Variants in GMDS observed in about 807,000 individuals in gnomAD.
GMDS encodes GDP-mannose 4,6-dehydratase.
In GMDS, 20 loss-of-function variants were observed where a neutral mutation model predicts 49.9. That is an observed-to-expected ratio of 0.40 (90% CI 0.28 to 0.58). The LOEUF (loss-of-function observed/expected upper bound fraction) is 0.58, where lower values mean the gene tolerates loss of function less well. Ranked by LOEUF, GMDS falls within the 20% of genes least tolerant of loss-of-function variation. The pLI, the probability that GMDS is intolerant of heterozygous loss-of-function variation, is 0.42. For missense variants in GMDS, 362 were observed against 481.4 expected (o/e 0.75, Z 2.32); for synonymous variants, 177 against 178.6 (o/e 0.99, Z 0.07).
At chr6:1,646,812 T>C (rs1763499253) in intron 9 of GMDS, among the ~76,000 whole-genome samples, 1 of 152,212 alleles carries the variant, frequency 6.6e-6, no homozygotes, top group Admixed American at 6.5e-5. Flanking sequence ...TCCCCACTTC[T>C]GCACATTTAG....
At chr6:1,861,955 T>C (rs1337213438) in intron 7 of GMDS, among the ~76,000 whole-genome samples, 2 of 152,238 alleles carry the variant, frequency 1.3e-5, no homozygotes, top group East Asian at 1.9e-4. Flanking sequence ...GCAGGTATTC[T>C]TGAATATATT....
At chr6:2,211,316 C>T (rs1036145960) in intron 1 of GMDS, among the ~76,000 whole-genome samples, 4 of 152,152 alleles carry the variant, frequency 2.6e-5, no homozygotes, top group East Asian at 1.9e-4. Context: ...ATGTCTACCA[C>T]GTTCATTCCC....
intron 4 of GMDS, among the ~76,000 whole-genome samples, chr6:1,974,392 G>C (rs967847213): frequency 6.6e-6 from 1 of 152,158 alleles, no homozygotes; most frequent in Non-Finnish European, 1.5e-5. Flanking sequence ...ACAGAGTGGG[G>C]TTCAAGCACA....
At chr6:1,630,480 T>C (rs1222595304) in intron 9 of GMDS, among the ~76,000 whole-genome samples, 1 of 152,232 alleles carries the variant, frequency 6.6e-6, no homozygotes, top group Non-Finnish European at 1.5e-5. Flanking sequence ...ATGCCCACTG[T>C]CTGCCCTGTC....
intron 4 of GMDS, among the ~76,000 whole-genome samples, chr6:2,067,706 C>CTAAA (rs1771703132): frequency 6.6e-6 from 1 of 152,122 alleles, no homozygotes. Flanking sequence ...TCTCCCAAGA[C>CTAAA]TAAACCAGGA....
At chr6:1,702,560 G>A (rs1349215215) in intron 9 of GMDS, among the ~76,000 whole-genome samples, 2 of 152,034 alleles carry the variant, frequency 1.3e-5, no homozygotes, top group Non-Finnish European at 2.9e-5. Context: ...CATTCCATAG[G>A]GAAGATAACA....
At chr6:2,175,862 C>T (rs1313253073) in intron 1 of GMDS, 3 of 805,518 alleles carry the variant, frequency 3.7e-6, no homozygotes, top group Non-Finnish European at 6.3e-6. Context: ...CATGAACCCA[C>T]ATAAACAGCC....
At chr6:1,747,726 A>G (rs1019477647) in intron 7 of GMDS, among the ~76,000 whole-genome samples, 1 of 152,214 alleles carries the variant, frequency 6.6e-6, no homozygotes, top group Admixed American at 6.5e-5. Flanking sequence ...TTTTGTGGTC[A>G]GCCAAGCCTT....
intron 6 of GMDS, among the ~76,000 whole-genome samples, chr6:1,955,520 C>T (rs1210438038): frequency 2.0e-5 from 3 of 152,026 alleles, no homozygotes; most frequent in Admixed American, 6.6e-5. Flanking sequence ...TACTAAAGTG[C>T]TCCCATTTCA....
At chr6:1,881,104 A>T (rs577073534) in intron 7 of GMDS, among the ~76,000 whole-genome samples, 1 of 152,240 alleles carries the variant, frequency 6.6e-6, no homozygotes, top group Non-Finnish European at 1.5e-5. Flanking sequence ...TTTTTCTATC[A>T]TCAGTAAAAA....
chr6:2,139,773 G>T (rs114984293), intron 1 of GMDS, among the ~76,000 whole-genome samples: 312 of 152,180 alleles, frequency 2.1e-3, no homozygotes, highest in Non-Finnish European at 2.1e-3. Flanking sequence ...AACAGCACAG[G>T]GTTTCATGAG....
In GMDS at chr6:2,152,230, C is replaced by T. The variant is rs77222502; in HGVS notation, c.103-27499G>A. Among the ~76,000 whole-genome samples, 1,042 of 152,192 alleles carry T rather than the reference C, an allele frequency of 6.8e-3. 6 individuals are homozygous for T. Among genetic ancestry groups the T allele is most frequent in the Middle Eastern group, 0.038 (11 of 288 alleles). ...AACTCAAGACTACCTTTCTGAAAGGCTCTTTAAAATCAAATTGAATTCATT... is the reference window on the plus strand; with the variant it reads ...AACTCAAGACTACCTTTCTGAAAGGTTCTTTAAAATCAAATTGAATTCATT... On this transcript the variant is annotated intron_variant, in intron 1 of 10. Transcript: ENST00000380815.
chr6:2,175,487 T>C (rs1315381511), intron 1 of GMDS, among the ~76,000 whole-genome samples: 2 of 152,224 alleles, frequency 1.3e-5, no homozygotes, highest in African/African-American at 4.8e-5. Context: ...ACTCTGCAGA[T>C]ATTCCTGAGG....
chr6:1,903,357 GA>G (rs1366017682), intron 7 of GMDS, among the ~76,000 whole-genome samples: 3 of 152,120 alleles, frequency 2.0e-5, no homozygotes, highest in Non-Finnish European at 4.4e-5. Context: ...CTTTTCATAT[GA>G]ATTTCTTCAA....
chr6:1,630,647 C>A lies in GMDS; in HGVS notation c.988-6107G>T, dbSNP rs555800120. 2.0e-5 allele frequency among the ~76,000 whole-genome samples: 3 copies of A among 152,326 alleles called. No homozygotes were observed. In the South Asian group the frequency reaches 6.2e-4, roughly 32 times the overall value. ...TAACAGGTTTCTTTAAATGAAATAA[C>A]CATATAAGACTTTGGGGATGTCATC... is the stretch of plus-strand genomic sequence containing the variant. On this transcript the variant is annotated intron_variant, in intron 9 of 10. Coordinates refer to ENST00000380815, the MANE Select transcript of GMDS (RefSeq NM_001500.4).
intron 7 of GMDS, among the ~76,000 whole-genome samples, chr6:1,755,628 T>C (rs928454731): frequency 7.9e-5 from 12 of 152,182 alleles, no homozygotes; most frequent in Admixed American, 7.2e-4. Context: ...CGAACTATAC[T>C]GCAAGACCAC....
Position 2,245,459 on chromosome 6 carries a change from G to A in GMDS, c.-37C>T, listed in dbSNP as rs560920598. ...GGCGTGCGGTCGGCGGCAGGGCGGA[G>A]CGCGGCAGAGGGCAGGCGCGGTGCC... is the stretch of plus-strand genomic sequence containing the variant. On this transcript the variant is annotated 5_prime_UTR_variant, in exon 1 of 11. Coordinates refer to ENST00000380815, the MANE Select transcript of GMDS (RefSeq NM_001500.4). The A allele has an allele frequency of 7.7e-4, 972 of 1,268,248 alleles. 12 individuals are homozygous for A. In the South Asian group the frequency reaches 0.015, roughly 20 times the overall value. The allele number at this position is 1,268,248 out of a possible 1,614,324, so 78.6% of individuals were successfully genotyped here. A position where few individuals can be genotyped will look rare whatever the true frequency, so the allele number is the denominator to read the frequency against.
At chr6:2,169,638 A>C (rs1429903554) in intron 1 of GMDS, among the ~76,000 whole-genome samples, 1 of 149,462 alleles carries the variant, frequency 6.7e-6, no homozygotes. Context: ...AAAAAAAAAC[A>C]AAAAAAAAGG....
In GMDS at chr6:1,634,843, A is replaced by C. The variant is rs1470285280; in HGVS notation, c.988-10303T>G. On this transcript the variant is annotated intron_variant, in intron 9 of 10. Transcript: ENST00000380815. ...GGGTGGGGAGGGGACATAGCGACGGAAAGGCGTGGGTGAACTTGAGATGAT... is the reference window on the plus strand; with the variant it reads ...GGGTGGGGAGGGGACATAGCGACGGCAAGGCGTGGGTGAACTTGAGATGAT... 4.6e-5 allele frequency among the ~76,000 whole-genome samples: 7 copies of C among 152,148 alleles called. No individual in the cohort carries two copies. The East Asian group carries it at 1.3e-3, about 29-fold the overall frequency.
Sources: gnomAD v4.1 joint callset for allele counts (sites outside exome capture counted in the v4.1 genomes callset) on GRCh38, gnomAD v4.1.1 for gene constraint, MANE v1.5 for transcripts, NCBI Gene and HGNC (gene_info 2026-07-23, HGNC 2026-07-21) for gene names.